Variants in TMCO1 observed in about 807,000 individuals in gnomAD.
TMCO1 encodes the protein calcium load-activated calcium channel.
Under a neutral mutation model 29.3 loss-of-function variants are expected in TMCO1, and 29 were observed. The ratio of observed to expected loss-of-function variants is 0.99; its 90% CI spans 0.74 to 1.35. The LOEUF (loss-of-function observed/expected upper bound fraction) is 1.35. Ranked by LOEUF, TMCO1 falls within the 40% of genes most tolerant of loss-of-function variation. The pLI is 0.00. For synonymous variants in TMCO1, 80 were observed against 77.1 expected (o/e 1.04, Z -0.20); for missense variants, 173 against 225.5 (o/e 0.77, Z 1.49).
chr1:165,766,542 C>G (rs1361821734), intron 2 of TMCO1, among the ~76,000 whole-genome samples: 1 of 152,206 alleles, frequency 6.6e-6, no homozygotes, highest in Non-Finnish European at 1.5e-5. Context: ...AATCCCAGCA[C>G]TTTGGGAGGC....
chr1:165,745,896 C>T (rs73022537), intron 5 of TMCO1, among the ~76,000 whole-genome samples: 2,023 of 152,178 alleles, frequency 0.013, 53 homozygotes, highest in African/African-American at 0.047. Context: ...ATGCGAACCT[C>T]CACTAGTTTG....
chr1:165,747,274 A>C (rs1431487591), intron 5 of TMCO1, among the ~76,000 whole-genome samples: 1 of 151,056 alleles, frequency 6.6e-6, no homozygotes, highest in African/African-American at 2.4e-5. Context: ...TCTCAAAAAA[A>C]AAAAAAAAAA....
intron 6 of TMCO1, among the ~76,000 whole-genome samples, chr1:165,728,399 G>C (rs1453155404): frequency 3.3e-5 from 5 of 151,882 alleles, no homozygotes; most frequent in African/African-American, 1.2e-4. Flanking sequence ...TGGGACTACA[G>C]GTGCCCGCCA....
chr1:165,729,929 A>G (rs760776755), intron 6 of TMCO1, among the ~76,000 whole-genome samples: 21 of 152,124 alleles, frequency 1.4e-4, no homozygotes, highest in Non-Finnish European at 2.1e-4. Context: ...CCTACTAGAT[A>G]TAAGATACTG....
At chr1:165,733,580 A>G (rs1651252767) in intron 6 of TMCO1, among the ~76,000 whole-genome samples, 1 of 152,106 alleles carries the variant, frequency 6.6e-6, no homozygotes, top group Non-Finnish European at 1.5e-5. Flanking sequence ...TGGGTGACAG[A>G]GCAAGACTCC....
chr1:165,726,054 T>G, downstream of TMCO1: 1 of 691,642 alleles, frequency 1.4e-6, no homozygotes, highest in South Asian at 1.5e-5. Flanking sequence ...GAGTGTGCTA[T>G]ATATTCTCAC....
chr1:165,737,532 A>G (rs1651437187), intron 6 of TMCO1, among the ~76,000 whole-genome samples: 1 of 152,194 alleles, frequency 6.6e-6, no homozygotes, highest in Non-Finnish European at 1.5e-5. Context: ...AAAACTTTAA[A>G]TAAAAATACT....
Position 165,768,740 on chromosome 1 carries a change from C to T in TMCO1, c.12G>A (p.Met4Ile), listed in dbSNP as rs1226699617. MST[M>I]FADTLLIVFI... Reference sequence around the variant, plus strand: ...AAACGATGAGGAGAGTGTCCGCGAACATAGTGCTCATCTCGCACCTTCGTC... The same window carrying T: ...AAACGATGAGGAGAGTGTCCGCGAATATAGTGCTCATCTCGCACCTTCGTC... Residue 4 changes from methionine (M) to isoleucine (I), a missense_variant, in exon 1 of 7, where the codon ATG becomes ATA. Met to Ile is a conservative substitution (Grantham distance 10). Transcript: ENST00000367881. 1 of 1,614,200 alleles carries T rather than the reference C, an allele frequency of 6.2e-7. No individual in the cohort carries two copies. The highest frequency in any genetic ancestry group is 8.5e-7 in the Non-Finnish European group (1 of 1,180,036).
chr1:165,727,097 T>A lies in TMCO1; in HGVS notation c.*926A>T, dbSNP rs1175260986. The A allele has an allele frequency of 8.8e-6, 4 of 454,078 alleles. No homozygotes were observed. Among genetic ancestry groups the A allele is most frequent in the South Asian group, 6.2e-5 (4 of 64,468 alleles). 28.1% of individuals were successfully genotyped at this position (454,078 alleles called of 1,614,324 possible). On this transcript the variant is annotated 3_prime_UTR_variant, in exon 7 of 7. Transcript: ENST00000367881. Reference sequence around the variant, plus strand: ...TGCGGGGAGGATCATGGTACAAACATCCTTCTCCCTTATGAAGGGGCATGG... The same window carrying A: ...TGCGGGGAGGATCATGGTACAAACAACCTTCTCCCTTATGAAGGGGCATGG...
At chr1:165,740,506 A>G (rs73020554) in intron 6 of TMCO1, among the ~76,000 whole-genome samples, 2,021 of 152,220 alleles carry the variant, frequency 0.013, 54 homozygotes, top group African/African-American at 0.047. Flanking sequence ...CGCCTGGCCC[A>G]TCATATTGTG....
In TMCO1 at chr1:165,741,380, C is replaced by T. The variant is rs575109000; in HGVS notation, c.468+1787G>A. Among the ~76,000 whole-genome samples the T allele has an allele frequency of 3.3e-5, 5 of 152,288 alleles. No individual in the cohort carries two copies. In the East Asian group the frequency reaches 9.6e-4, roughly 29 times the overall value. ...ATTTCTGTATTTTAGTCATGCTCCT[C>T]TTATAGCTAACCTTCACAATGCAGT... On this transcript the variant is annotated intron_variant, in intron 6 of 6. Coordinates refer to ENST00000367881, the MANE Select transcript of TMCO1 (RefSeq NM_019026.6).
At chr1:165,732,557 A>C (rs1651212140) in intron 6 of TMCO1, among the ~76,000 whole-genome samples, 1 of 151,714 alleles carries the variant, frequency 6.6e-6, no homozygotes, top group South Asian at 2.1e-4. Context: ...CTATGCAAAA[A>C]ACCCATAGAA....
In TMCO1 at chr1:165,743,244, G is replaced by T. The variant is rs1247427997; in HGVS notation, c.391C>A (p.Arg131=). The T allele has an allele frequency of 2.5e-6, 4 of 1,613,318 alleles. No homozygotes were observed. The highest frequency in any genetic ancestry group is 3.4e-6 in the Non-Finnish European group (4 of 1,179,888). ...PLSYIQGLSH[R]NLLGDDTTDC... is the part of the protein sequence containing the mutation. ...GTGGTGTCATCTCCCAGCAGATTTC[G>T]ATGAGACAGTCCTTGGATGTAAGAA... Residue 131 remains arginine, a synonymous_variant, in exon 6 of 7, where the codon CGA becomes AGA. Transcript: ENST00000367881.
chr1:165,757,220 G>C (rs1409147745), intron 3 of TMCO1, among the ~76,000 whole-genome samples: 4 of 152,146 alleles, frequency 2.6e-5, no homozygotes, highest in Non-Finnish European at 5.9e-5. Flanking sequence ...GGATGTTTTT[G>C]AATATATTCC....
chr1:165,734,019 A>C (rs1651274948), intron 6 of TMCO1, among the ~76,000 whole-genome samples: 1 of 152,230 alleles, frequency 6.6e-6, no homozygotes, highest in East Asian at 1.9e-4. Flanking sequence ...TCATTTAGCT[A>C]AAATAACACA....
intron 6 of TMCO1, among the ~76,000 whole-genome samples, chr1:165,730,167 C>CAAAAA (rs1294499398): frequency 7.5e-6 from 1 of 133,382 alleles, no homozygotes; most frequent in African/African-American, 2.8e-5. Context: ...TAAAAATACA[C>CAAAAA]ACACACAAAA....
At chr1:165,756,191 A>G (rs1216682637) in intron 3 of TMCO1, among the ~76,000 whole-genome samples, 4 of 152,198 alleles carry the variant, frequency 2.6e-5, no homozygotes, top group Admixed American at 2.0e-4. Flanking sequence ...TATGGATCAC[A>G]TTATGAAAAT....
At chr1:165,759,309 A>G (rs1252065569) in intron 3 of TMCO1, among the ~76,000 whole-genome samples, 4 of 152,252 alleles carry the variant, frequency 2.6e-5, no homozygotes, top group East Asian at 1.9e-4. Context: ...CTCAAATTCC[A>G]AAGCTAAGAG....
chr1:165,749,541 G>A (rs894212951), intron 5 of TMCO1, among the ~76,000 whole-genome samples: 7 of 152,196 alleles, frequency 4.6e-5, no homozygotes, highest in African/African-American at 1.7e-4. Flanking sequence ...GCTCATGCCT[G>A]TAACCCCAAC....
Sources: gnomAD v4.1 joint callset for allele counts (sites outside exome capture counted in the v4.1 genomes callset) on GRCh38, gnomAD v4.1.1 for gene constraint, MANE v1.5 for transcripts, NCBI Gene and HGNC (gene_info 2026-07-23, HGNC 2026-07-21) for gene names.